ACOX3: variants seen among roughly 807,000 people sequenced by gnomAD.
The protein encoded by ACOX3 is peroxisomal acyl-coenzyme A oxidase 3.
In ACOX3, 73 loss-of-function variants were observed where a neutral mutation model predicts 81.5. That is an observed-to-expected ratio of 0.90 (90% CI 0.74 to 1.09). The LOEUF is 1.09. Among genes scored for constraint, ACOX3 ranks in the 50% least tolerant of loss-of-function variants. The pLI is 0.00. For synonymous variants in ACOX3, 387 were observed against 375.1 expected (o/e 1.03, Z -0.37); for missense variants, 947 against 928.0 (o/e 1.02, Z -0.27).
intron 5 of ACOX3, among the ~76,000 whole-genome samples, chr4:8,413,132 C>A (rs532676091): frequency 7.9e-4 from 110 of 139,866 alleles, no homozygotes; most frequent in Non-Finnish European, 1.3e-3. Flanking sequence ...TGCACCCCTG[C>A]GCCCCTCCAC....
intron 8 of ACOX3, 111 bp from the exon 9 acceptor site, chr4:8,397,230 C>A: frequency 9.1e-7 from 1 of 1,097,768 alleles, no homozygotes. Flanking sequence ...AGACCTGTGC[C>A]CACCTGCCCA....
rs932738462 is a variant in ACOX3, at chr4:8,366,413, A to C, written c.*548T>G. ...ATGGAAATTTCCAGTTCCACAAAAG[A>C]AAGTAATCAAACAGATGTTCCTCCT... On this transcript the variant is annotated 3_prime_UTR_variant, in exon 18 of 18. Transcript: ENST00000356406. The C allele has an allele frequency of 2.6e-5, 4 of 152,314 alleles. No homozygotes were observed. Among genetic ancestry groups the C allele is most frequent in the Non-Finnish European group, 5.9e-5 (4 of 68,094 alleles). The allele number at this position is 152,314 out of a possible 1,614,324, so 9.4% of individuals were successfully genotyped here. A position where few individuals can be genotyped will look rare whatever the true frequency, so the allele number is the denominator to read the frequency against.
rs1360279521 is a variant in ACOX3, at chr4:8,437,969, G to A, written c.-15+2679C>T. 6.6e-6 allele frequency among the ~76,000 whole-genome samples: 1 copy of A among 152,188 alleles called. No homozygotes were observed. The highest frequency in any genetic ancestry group is 6.5e-5 in the Admixed American group (1 of 15,272). On this transcript the variant is annotated intron_variant, in intron 1 of 17. Transcript: ENST00000356406. The surrounding 1 kb of genome is among the most constrained non-coding windows in gnomAD (Gnocchi z 5.2). ...CATATCTGGATTCCAATTTCTCACT[G>A]ATGGCTAAGCCACTAGATAGAGTTA...
In ACOX3 at chr4:8,385,022, G is replaced by A. The variant is rs62286005; in HGVS notation, c.1538-3415C>T. Among the ~76,000 whole-genome samples the A allele has an allele frequency of 0.027, 4,116 of 152,204 alleles. 72 individuals carry two copies. The highest frequency in any genetic ancestry group is 0.039 in the South Asian group (187 of 4,814). On this transcript the variant is annotated intron_variant, in intron 13 of 17. Coordinates refer to ENST00000356406, the MANE Select transcript of ACOX3 (RefSeq NM_003501.3). This position sits in a 1 kb window ranked among gnomAD's most constrained non-coding sequence, Gnocchi z 5.5. ...TGTTCAGGACTGTGGCCCCCCACAC[G>A]CAGCAGCCCCCCACCGAGGGCACCA...
chr4:8,372,865 G>A (rs1016911582), intron 16 of ACOX3, among the ~76,000 whole-genome samples: 16 of 152,328 alleles, frequency 1.1e-4, no homozygotes, highest in African/African-American at 4.8e-5. Context: ...CCTGCCCACC[G>A]CAGCAGCACC....
chr4:8,431,195 C>T lies in ACOX3; in HGVS notation c.-15+9453G>A, dbSNP rs534704261. On this transcript the variant is annotated intron_variant, in intron 1 of 17. Coordinates refer to ENST00000356406, the MANE Select transcript of ACOX3 (RefSeq NM_003501.3). This position sits in a 1 kb window ranked among gnomAD's most constrained non-coding sequence, Gnocchi z 5.3. ...CCCTTCTCTGCCTGTCCCTTTTCAC[C>T]CTCCTCTTTTCACACTTGTCTTCCT... Among the ~76,000 whole-genome samples, 8 of 152,296 alleles carry T rather than the reference C, an allele frequency of 5.3e-5. No homozygotes were observed. Among genetic ancestry groups the T allele is most frequent in the Admixed American group, 3.9e-4 (6 of 15,286 alleles).
At position 8,382,747 on chromosome 4, in the gene ACOX3, C is replaced by A. The variant is rs1450006674; in HGVS notation, c.1538-1140G>T. On this transcript the variant is annotated intron_variant, in intron 13 of 17. Transcript: ENST00000356406. The surrounding 1 kb of genome is among the most constrained non-coding windows in gnomAD (Gnocchi z 4.1). ...GTGGCTCACACCTGTAATCCCAGCA[C>A]TTTGGGAGGCAGAGGCGGGCGGATC... is the stretch of plus-strand genomic sequence containing the variant. 6.6e-6 allele frequency among the ~76,000 whole-genome samples: 1 copy of A among 152,136 alleles called. No homozygotes were observed. Among genetic ancestry groups the A allele is most frequent in the East Asian group, 1.9e-4 (1 of 5,170 alleles).
the ACOX3 span, chr4:8,355,440 G>T: frequency 6.6e-6 from 1 of 152,320 alleles, no homozygotes; most frequent in East Asian, 1.9e-4. Flanking sequence ...CAGGTCCAGC[G>T]ACAATGATTT....
At position 8,394,491 on chromosome 4, in the gene ACOX3, A is replaced by C; in HGVS notation, c.1179+129T>G. ...GGCCAAGAGCTCCGAGTGGGTGGGA[A>C]CAACTGGAGGAATGCTCTGTCCTCG... On this transcript the variant is annotated intron_variant, in intron 10 of 17. Coordinates refer to ENST00000356406, the MANE Select transcript of ACOX3 (RefSeq NM_003501.3). The surrounding 1 kb of genome is among the most constrained non-coding windows in gnomAD (Gnocchi z 5.9). 2 of 1,391,086 alleles carry C rather than the reference A, an allele frequency of 1.4e-6. No homozygotes were observed. The highest frequency in any genetic ancestry group is 2.6e-5 in the East Asian group (1 of 39,108). 86.2% of individuals were successfully genotyped at this position (1,391,086 alleles called of 1,614,324 possible).
Position 8,394,943 on chromosome 4 carries a change from C to T in ACOX3, c.1057-201G>A. ...CAACTCAGCCAGTTCGGCTTTCACC[C>T]ATAGCCCTTGACAGACAAGCTCAAA... On this transcript the variant is annotated intron_variant, in intron 9 of 17. Coordinates refer to ENST00000356406, the MANE Select transcript of ACOX3 (RefSeq NM_003501.3). The surrounding 1 kb of genome is among the most constrained non-coding windows in gnomAD (Gnocchi z 5.9). 2 of 619,164 alleles carry T rather than the reference C, an allele frequency of 3.2e-6. No homozygotes were observed. Among genetic ancestry groups the T allele is most frequent in the South Asian group, 2.1e-5 (1 of 46,880 alleles). The allele number at this position is 619,164 out of a possible 1,614,324, so 38.4% of individuals were successfully genotyped here. A position where few individuals can be genotyped will look rare whatever the true frequency, so the allele number is the denominator to read the frequency against.
rs765024457 is a variant in ACOX3 at position 8,370,989 on chromosome 4, T to C, written c.1902A>G (p.Lys634=). ...SAVLALCSQL[K]DDAVALVDVI... ...CGTCTACCAGGGCAACTGCATCGTC[T>C]TTCAGCTGTTGGAAAACAAAGCCCA... The change falls in exon 17 of 18, where the codon AAA becomes AAG. Residue 634 remains lysine, a synonymous_variant. Transcript: ENST00000356406. This position sits in a 1 kb window ranked among gnomAD's most constrained non-coding sequence, Gnocchi z 6.3. 2 of 1,613,930 alleles carry C rather than the reference T, an allele frequency of 1.2e-6. No individual in the cohort carries two copies. Among genetic ancestry groups the C allele is most frequent in the Admixed American group, 3.3e-5 (2 of 60,000 alleles).
intron 14 of ACOX3, among the ~76,000 whole-genome samples, chr4:8,377,597 A>G (rs1203025897): frequency 1.3e-5 from 2 of 152,194 alleles, no homozygotes; most frequent in Non-Finnish European, 2.9e-5. Context: ...ACTCAACGGC[A>G]TCTCAGTCCC....
chr4:8,440,682 A>G lies in ACOX3; in HGVS notation c.-49T>C. ...CCACAGTTCAACCCCTGCCAGGGAA[A>G]CCAAAAGCAGGAAAGGATCTCCAGC... On this transcript the variant is annotated 5_prime_UTR_variant, in exon 1 of 18. Transcript: ENST00000356406. 4 of 1,113,994 alleles carry G rather than the reference A, an allele frequency of 3.6e-6. No homozygotes were observed. Among genetic ancestry groups the G allele is most frequent in the Non-Finnish European group, 4.8e-6 (4 of 832,614 alleles). The allele number at this position is 1,113,994 out of a possible 1,614,324, so 69.0% of individuals were successfully genotyped here.
chr4:8,397,651 C>T (rs1229275944), intron 8 of ACOX3, among the ~76,000 whole-genome samples: 1 of 152,230 alleles, frequency 6.6e-6, no homozygotes, highest in Admixed American at 6.5e-5. Context: ...GCGGCGTCAG[C>T]AGAGGCTGTT....
rs1723948036 is a variant in ACOX3, at chr4:8,431,449, A to C, written c.-15+9199T>G. Among the ~76,000 whole-genome samples the C allele has an allele frequency of 6.6e-6, 1 of 152,194 alleles. No individual in the cohort carries two copies. Among genetic ancestry groups the C allele is most frequent in the Non-Finnish European group, 1.5e-5 (1 of 68,038 alleles). On this transcript the variant is annotated intron_variant, in intron 1 of 17. Coordinates refer to ENST00000356406, the MANE Select transcript of ACOX3 (RefSeq NM_003501.3). This position sits in a 1 kb window ranked among gnomAD's most constrained non-coding sequence, Gnocchi z 5.3. ...AGGACACTGCTGACCTGCATCTGAC[A>C]GGGAACACGGGCCTCTCTGTGAGTC...
At chr4:8,427,456 C>G (rs1723605956) in intron 1 of ACOX3, among the ~76,000 whole-genome samples, 1 of 152,210 alleles carries the variant, frequency 6.6e-6, no homozygotes, top group Non-Finnish European at 1.5e-5. Context: ...CCACCCCCCT[C>G]CAGATCCAGC....
intron 1 of ACOX3, among the ~76,000 whole-genome samples, chr4:8,433,374 A>G (rs749475224): frequency 6.6e-6 from 1 of 152,256 alleles, no homozygotes; most frequent in Non-Finnish European, 1.5e-5. Flanking sequence ...GGAGGCAGAG[A>G]TTGAAGTGCT....
chr4:8,356,143 G>C, the ACOX3 span: 1 of 244,178 alleles, frequency 4.1e-6, no homozygotes, highest in African/African-American at 2.2e-5. Context: ...TTGCTTTCAT[G>C]CATTAACCCG....
rs1724027719 is a variant in ACOX3 at position 8,432,776 on chromosome 4, C to A, written c.-15+7872G>T. 6.6e-6 allele frequency among the ~76,000 whole-genome samples: 1 copy of A among 152,198 alleles called. No homozygotes were observed. Among genetic ancestry groups the A allele is most frequent in the Non-Finnish European group, 1.5e-5 (1 of 68,034 alleles). ...CTCGAGTTCCACCCAGCTTCCAGCA[C>A]TTAGACGCTGACAACTCAGAATGGA... On this transcript the variant is annotated intron_variant, in intron 1 of 17. Transcript: ENST00000356406. This position sits in a 1 kb window ranked among gnomAD's most constrained non-coding sequence, Gnocchi z 6.2.
Sources: allele counts gnomAD v4.1 joint callset (sites outside exome capture counted in the v4.1 genomes callset), GRCh38; gene constraint gnomAD v4.1.1; non-coding constraint Gnocchi (gnomAD v3.1); transcripts MANE v1.5; gene names NCBI Gene and HGNC (gene_info 2026-07-23, HGNC 2026-07-21).